The following MYO1D variants were observed in gnomAD, a reference collection of about 807,000 sequenced individuals.
The protein encoded by MYO1D is myosin ID, also known as unconventional myosin-Id.
A neutral mutation model predicts 122.0 loss-of-function variants in MYO1D; 83 were observed. The ratio of observed to expected loss-of-function variants is 0.68; its 90% CI spans 0.57 to 0.82. The LOEUF is 0.82. MYO1D is among the 40% of genes least tolerant of loss of function. The pLI is 0.00. For missense variants in MYO1D, 1,157 were observed against 1,269.5 expected (o/e 0.91, Z 1.35); for synonymous variants, 464 against 446.9 (o/e 1.04, Z -0.48).
intron 1 of MYO1D, among the ~76,000 whole-genome samples, chr17:32,864,915 G>A (rs2091111026): frequency 6.6e-6 from 1 of 151,952 alleles, no homozygotes; most frequent in Non-Finnish European, 1.5e-5. Flanking sequence ...AATATAAACC[G>A]ATAGGAAAGG....
intron 21 of MYO1D, among the ~76,000 whole-genome samples, chr17:32,527,926 C>G (rs1030584799): frequency 2.0e-5 from 3 of 150,238 alleles, no homozygotes; most frequent in African/African-American, 7.4e-5. Context: ...GCAATCTCTG[C>G]CTCTCGGGTT....
At chr17:32,667,784 T>C (rs1316804651) in intron 16 of MYO1D, among the ~76,000 whole-genome samples, 2 of 152,220 alleles carry the variant, frequency 1.3e-5, no homozygotes, top group African/African-American at 2.4e-5. Flanking sequence ...CCATTTTATA[T>C]ATATGGCCTT....
At chr17:32,557,839 T>TTTATATAATTATATAAAATTTATATAAA (rs2087082196) in intron 21 of MYO1D, among the ~76,000 whole-genome samples, 1 of 152,076 alleles carries the variant, frequency 6.6e-6, no homozygotes, top group African/African-American at 2.4e-5. Flanking sequence ...AAATTCAAAT[T>TTTATATAATTATATAAAATTTATATAAA]GTGTTTATAA....
intron 21 of MYO1D, among the ~76,000 whole-genome samples, chr17:32,576,934 C>T (rs1390561246): frequency 1.3e-5 from 2 of 152,132 alleles, no homozygotes; most frequent in Non-Finnish European, 2.9e-5. Context: ...CCTGCTTTGG[C>T]CTCCCAAAGT....
At chr17:32,604,970 C>T (rs188674303) in intron 21 of MYO1D, 117 bp downstream of exon 21, 57 of 992,464 alleles carry the variant, frequency 5.7e-5, no homozygotes, top group Non-Finnish European at 8.0e-5. Flanking sequence ...TTAAGTTGTC[C>T]TTATGGAGAA....
At chr17:32,790,071 T>C (rs1192357808) in intron 1 of MYO1D, among the ~76,000 whole-genome samples, 1 of 152,206 alleles carries the variant, frequency 6.6e-6, no homozygotes, top group African/African-American at 2.4e-5. Flanking sequence ...TCTTCACCTA[T>C]ATAGAGCAAG....
intron 21 of MYO1D, among the ~76,000 whole-genome samples, chr17:32,576,267 G>A (rs145774451): frequency 6.6e-6 from 1 of 152,120 alleles, no homozygotes; most frequent in Admixed American, 6.5e-5. Context: ...AAACTACAAG[G>A]TTTTATATTT....
intron 1 of MYO1D, among the ~76,000 whole-genome samples, chr17:32,846,370 C>T (rs1383548718): frequency 6.6e-6 from 1 of 152,180 alleles, no homozygotes; most frequent in Non-Finnish European, 1.5e-5. Context: ...ATCAGCATAA[C>T]AGAGTCCACA....
At chr17:32,763,211 G>A (rs2090020730) in intron 8 of MYO1D, among the ~76,000 whole-genome samples, 1 of 150,668 alleles carries the variant, frequency 6.6e-6, no homozygotes, top group South Asian at 2.1e-4. Context: ...CAAACTTGAT[G>A]TCATTGCCCC....
chr17:32,695,313 G>A (rs1456408486), intron 16 of MYO1D, among the ~76,000 whole-genome samples: 1 of 152,206 alleles, frequency 6.6e-6, no homozygotes, highest in Admixed American at 6.5e-5. Context: ...CTTACAGGAG[G>A]CGGAGCTCAG....
At chr17:32,860,180 CAAG>C (rs2091058098) in intron 1 of MYO1D, among the ~76,000 whole-genome samples, 1 of 152,166 alleles carries the variant, frequency 6.6e-6, no homozygotes, top group South Asian at 2.1e-4. Flanking sequence ...GAAACCAGCA[CAAG>C]AAGGGCAAAA....
At chr17:32,499,731 G>A (rs1006271417) in intron 21 of MYO1D, among the ~76,000 whole-genome samples, 21 of 152,172 alleles carry the variant, frequency 1.4e-4, no homozygotes, top group Non-Finnish European at 2.4e-4. Context: ...GGCGGAAGCC[G>A]GCAGATTGCT....
chr17:32,683,993 G>T (rs1375853599), intron 16 of MYO1D, among the ~76,000 whole-genome samples: 2 of 152,238 alleles, frequency 1.3e-5, no homozygotes. Context: ...ATATTCGGGT[G>T]GGAGTGACCC....
At chr17:32,507,319 G>T (rs1282472412) in intron 21 of MYO1D, among the ~76,000 whole-genome samples, 1 of 152,082 alleles carries the variant, frequency 6.6e-6, no homozygotes, top group African/African-American at 2.4e-5. Flanking sequence ...TGGGAAGATT[G>T]TTTGAGCCTG....
intron 1 of MYO1D, among the ~76,000 whole-genome samples, chr17:32,849,414 C>T (rs919041478): frequency 1.0e-4 from 15 of 148,116 alleles, no homozygotes; most frequent in Non-Finnish European, 2.2e-4. Flanking sequence ...TGGAACCAAC[C>T]CAAATGTCCA....
intron 15 of MYO1D, among the ~76,000 whole-genome samples, chr17:32,719,771 G>A (rs980223578): frequency 6.6e-6 from 1 of 152,018 alleles, no homozygotes; most frequent in African/African-American, 2.4e-5. Context: ...TTTAAATCAC[G>A]CCTAGCCAAA....
intron 21 of MYO1D, 75 bp from the exon 22 acceptor site, chr17:32,494,990 G>A (rs1417371500): frequency 6.9e-6 from 10 of 1,453,732 alleles, no homozygotes; most frequent in Non-Finnish European, 9.3e-6. Context: ...GCAGCTCCCG[G>A]CCACCATTGG....
At chr17:32,615,310 G>A (rs1463416618) in intron 20 of MYO1D, among the ~76,000 whole-genome samples, 1 of 152,186 alleles carries the variant, frequency 6.6e-6, no homozygotes, top group Non-Finnish European at 1.5e-5. Context: ...AGACTACTTC[G>A]AGCCAGAGGA....
intron 1 of MYO1D, among the ~76,000 whole-genome samples, chr17:32,806,869 G>A (rs1156576894): frequency 6.6e-6 from 1 of 152,152 alleles, no homozygotes; most frequent in Non-Finnish European, 1.5e-5. Context: ...GCATATTCAG[G>A]AAAGGAGTGG....
Sources: allele counts gnomAD v4.1 joint callset (sites outside exome capture counted in the v4.1 genomes callset), GRCh38; gene constraint gnomAD v4.1.1; transcripts MANE v1.5; gene names NCBI Gene and HGNC (gene_info 2026-07-23, HGNC 2026-07-21).